Variants in SPHKAP observed in about 807,000 individuals in gnomAD.
SPHKAP encodes A-kinase anchor protein SPHKAP.
In SPHKAP, 67 loss-of-function variants were observed where a neutral mutation model predicts 137.5. The observed-to-expected ratio is 0.49, with a 90% CI of 0.40 to 0.60. The LOEUF is 0.60. SPHKAP is among the 20% of genes least tolerant of loss of function. SPHKAP has a pLI of 0.00. For synonymous variants in SPHKAP, 813 were observed against 785.3 expected (o/e 1.04, Z -0.59); for missense variants, 2,097 against 2,069.3 (o/e 1.01, Z -0.26).
chr2:228,017,817 G>T lies in SPHKAP; in HGVS notation c.3037C>A (p.Leu1013Ile). The change falls in exon 7 of 12, where the codon CTT becomes ATT. Residue 1013 changes from leucine to isoleucine, a missense_variant. Transcript: ENST00000392056. Reference sequence around the variant, plus strand: ...ACCCTGTTCATCAGCTTTTCTTTAAGCTCAGGGTGCTCGTCCGTCTTCCTC... The same window carrying T: ...ACCCTGTTCATCAGCTTTTCTTTAATCTCAGGGTGCTCGTCCGTCTTCCTC... The part of the protein sequence containing the change: ...IKRKTDEHPE[L>I]KEKLMNRVVD... 1 of 1,614,102 alleles carries T rather than the reference G, an allele frequency of 6.2e-7. No homozygotes were observed. The highest frequency in any genetic ancestry group is 8.5e-7 in the Non-Finnish European group (1 of 1,180,028).
intron 3 of SPHKAP, among the ~76,000 whole-genome samples, chr2:228,083,402 C>A (rs189350585): frequency 4.6e-4 from 70 of 152,278 alleles, no homozygotes; most frequent in African/African-American, 1.6e-3. Flanking sequence ...AATGGTATCT[C>A]CTTGTGATTT....
intron 1 of SPHKAP, among the ~76,000 whole-genome samples, chr2:228,172,708 C>G (rs1386981252): frequency 1.3e-5 from 2 of 152,186 alleles, no homozygotes; most frequent in East Asian, 3.8e-4. Flanking sequence ...CTTACTCATG[C>G]TACATGTCCA....
chr2:228,157,907 G>A (rs1374811967), intron 1 of SPHKAP, among the ~76,000 whole-genome samples: 1 of 152,154 alleles, frequency 6.6e-6, no homozygotes, highest in Non-Finnish European at 1.5e-5. Flanking sequence ...AGGAAACAAG[G>A]CACCAAGTTT....
chr2:228,179,253 C>T (rs971069796), intron 1 of SPHKAP, among the ~76,000 whole-genome samples: 3 of 152,120 alleles, frequency 2.0e-5, no homozygotes, highest in Non-Finnish European at 4.4e-5. Context: ...ACATCACAAG[C>T]CTTGACAATA....
chr2:228,006,034 C>G (rs573687328), intron 7 of SPHKAP, among the ~76,000 whole-genome samples: 4 of 152,186 alleles, frequency 2.6e-5, no homozygotes, highest in African/African-American at 9.6e-5. Context: ...TTGCTCTTCT[C>G]GAGGAGTATC....
intron 3 of SPHKAP, among the ~76,000 whole-genome samples, chr2:228,096,137 G>A (rs1326730086): frequency 6.6e-6 from 1 of 152,102 alleles, no homozygotes; most frequent in East Asian, 1.9e-4. Flanking sequence ...ATAAAACGTG[G>A]GCAAAGGAAC....
rs777500302 is a variant in SPHKAP at position 228,025,517 on chromosome 2, G to T, written c.318C>A (p.Asn106Lys). Residue 106 changes from asparagine (N) to lysine (K), a missense_variant, in exon 5 of 12, where the codon AAC (asparagine) becomes AAA (lysine). Asn to Lys is a moderately conservative substitution (Grantham distance 94, BLOSUM62 0). Coordinates refer to ENST00000392056, the MANE Select transcript of SPHKAP (RefSeq NM_001142644.2). ...TAAGTTTTGGAAGATCTGGTGAAAC[G>T]TTGACCAGTTTCTGTAAAGCAAGAA... ...STEHLQQKLVNVSPDLPKLIS... is the reference protein window; with the variant it reads ...STEHLQQKLVKVSPDLPKLIS... 6.2e-7 allele frequency: 1 copy of T among 1,613,570 alleles called. No homozygotes were observed. The highest frequency in any genetic ancestry group is 8.5e-7 in the Non-Finnish European group (1 of 1,179,826).
chr2:228,068,598 G>C (rs1696905214), intron 3 of SPHKAP, among the ~76,000 whole-genome samples: 2 of 152,194 alleles, frequency 1.3e-5, no homozygotes, highest in Admixed American at 6.5e-5. Flanking sequence ...GGGGAAAGGA[G>C]AGTCTCTTTA....
At position 228,082,297 on chromosome 2, in the gene SPHKAP, C is replaced by T. The variant is rs115992145; in HGVS notation, c.246+26535G>A. ...ACCTGAGTTCAGGCTCAGATTTCAT[C>T]GCTTTATAATCCTGGACAAGCATTT... On this transcript the variant is annotated intron_variant, in intron 3 of 11. Transcript: ENST00000392056. Among the ~76,000 whole-genome samples the T allele has an allele frequency of 6.1e-3, 925 of 152,268 alleles. 15 individuals are homozygous for T. Among genetic ancestry groups the T allele is most frequent in the African/African-American group, 0.021 (865 of 41,552 alleles).
intron 1 of SPHKAP, among the ~76,000 whole-genome samples, chr2:228,141,602 A>T (rs1699608595): frequency 6.6e-6 from 1 of 152,188 alleles, no homozygotes; most frequent in Non-Finnish European, 1.5e-5. Context: ...CTGACTATTA[A>T]CTATTATCAT....
At chr2:228,141,647 TTA>T (rs145103009) in intron 1 of SPHKAP, among the ~76,000 whole-genome samples, 16,379 of 152,186 alleles carry the variant, frequency 0.11, 1,116 homozygotes, top group East Asian at 0.18. Context: ...AAGGCTTTTT[TTA>T]AATCCAAGAG....
At position 228,018,989 on chromosome 2, in the gene SPHKAP, T is replaced by C; in HGVS notation, c.1865A>G (p.Glu622Gly). 6.2e-7 allele frequency: 1 copy of C among 1,614,030 alleles called. No individual in the cohort carries two copies. Among genetic ancestry groups the C allele is most frequent in the South Asian group, 1.1e-5 (1 of 91,080 alleles). ...KEAIAKGLLK[E>G]AALVLTRPNT... is the part of the protein sequence containing the mutation. ...AGGCCTTGTTAAAACCAGAGCAGCCTCCTTGAGCAATCCCTTGGCAATGGC... is the reference window on the plus strand; with the variant it reads ...AGGCCTTGTTAAAACCAGAGCAGCCCCCTTGAGCAATCCCTTGGCAATGGC... Residue 622 changes from glutamate (E) to glycine (G), a missense_variant, in exon 7 of 12, where the codon GAG (glutamate) becomes GGG (glycine). Physicochemically the swap from Glu to Gly is moderately conservative, Grantham distance 98 (BLOSUM62 -2). Transcript: ENST00000392056.
intron 7 of SPHKAP, among the ~76,000 whole-genome samples, chr2:228,010,842 A>T (rs1214190593): frequency 2.0e-5 from 3 of 152,092 alleles, no homozygotes; most frequent in Non-Finnish European, 2.9e-5. Context: ...AGTACTTTAC[A>T]TTCTGTATTT....
intron 3 of SPHKAP, among the ~76,000 whole-genome samples, chr2:228,079,006 C>A (rs2106312092): frequency 6.6e-6 from 1 of 152,236 alleles, no homozygotes; most frequent in African/African-American, 2.4e-5. Flanking sequence ...TCTGCATTAC[C>A]AGGCTGACCC....
At chr2:228,144,181 CTGTT>C (rs1184541217) in intron 1 of SPHKAP, among the ~76,000 whole-genome samples, 1 of 152,182 alleles carries the variant, frequency 6.6e-6, no homozygotes, top group South Asian at 2.1e-4. Flanking sequence ...CTCTTTATCT[CTGTT>C]TGCCCAGTCT....
At chr2:228,003,888 A>AGGGATGGGTTTTTTT (rs1694011656) in intron 7 of SPHKAP, among the ~76,000 whole-genome samples, 1 of 152,234 alleles carries the variant, frequency 6.6e-6, no homozygotes, top group Non-Finnish European at 1.5e-5. Context: ...ATGTTGAACC[A>AGGGATGGGTTTTTTT]GCCTTGCATC....
At chr2:228,077,458 G>A (rs1697221973) in intron 3 of SPHKAP, among the ~76,000 whole-genome samples, 1 of 152,248 alleles carries the variant, frequency 6.6e-6, no homozygotes, top group Non-Finnish European at 1.5e-5. Context: ...TCTTGCATCA[G>A]TGTGACCTGG....
At chr2:228,137,446 G>A (rs1003479269) in intron 1 of SPHKAP, among the ~76,000 whole-genome samples, 6 of 152,184 alleles carry the variant, frequency 3.9e-5, no homozygotes, top group Non-Finnish European at 7.3e-5. Flanking sequence ...GAATTTCCCA[G>A]GATAGTTCTA....
intron 4 of SPHKAP, chr2:228,025,766 C>CAAAGTAAACAT (rs1371630834): frequency 9.1e-6 from 7 of 772,088 alleles, no homozygotes; most frequent in Admixed American, 1.3e-4. Context: ...AAACATTTTA[C>CAAAGTAAACAT]AAAGTAAACA....
Sources: gnomAD v4.1 joint callset for allele counts (sites outside exome capture counted in the v4.1 genomes callset) on GRCh38, gnomAD v4.1.1 for gene constraint, MANE v1.5 for transcripts, NCBI Gene and HGNC (gene_info 2026-07-23, HGNC 2026-07-21) for gene names.